The following GPHN variants were observed in gnomAD, a reference collection of about 807,000 sequenced individuals.
GPHN encodes gephyrin.
In GPHN, 17 loss-of-function variants were observed where a neutral mutation model predicts 95.5. The observed-to-expected ratio is 0.18, with a 90% CI of 0.12 to 0.27. The LOEUF is 0.27. GPHN is among the 10% of genes least tolerant of loss of function. The pLI is 1.00. For missense variants in GPHN, 660 were observed against 978.1 expected (o/e 0.67, Z 4.34); for synonymous variants, 320 against 322.5 (o/e 0.99, Z 0.08).
At chr14:67,692,192 C>G in the GPHN span, 1 of 451,184 alleles carries the variant, frequency 2.2e-6, no homozygotes, top group African/African-American at 2.1e-5. Flanking sequence ...TGCTGAGACT[C>G]CCATGAGATT....
chr14:66,953,745 G>A (rs1006039818), intron 8 of GPHN, among the ~76,000 whole-genome samples: 3 of 152,036 alleles, frequency 2.0e-5, no homozygotes, highest in Non-Finnish European at 4.4e-5. Flanking sequence ...TTAGAAAGCA[G>A]GAATTAGCCT....
chr14:66,978,348 A>G (rs1235959110), intron 9 of GPHN, among the ~76,000 whole-genome samples: 1 of 152,186 alleles, frequency 6.6e-6, no homozygotes, highest in Non-Finnish European at 1.5e-5. Context: ...CATTTTTTCT[A>G]CAGTGAAACT....
intron 1 of GPHN, among the ~76,000 whole-genome samples, chr14:66,674,201 C>T (rs1451945442): frequency 6.6e-6 from 1 of 151,746 alleles, no homozygotes; most frequent in Non-Finnish European, 1.5e-5. Context: ...CGGGTTCATG[C>T]CATTCTCCTG....
At chr14:67,317,512 T>C in the GPHN span, 2 of 1,482,444 alleles carry the variant, frequency 1.3e-6, no homozygotes, top group East Asian at 2.3e-5. Flanking sequence ...GGTGGAATTA[T>C]ATCTGAAAGG....
chr14:67,225,961 G>GTGTGTGTGTGTGTGTGTA, the GPHN span, among the ~76,000 whole-genome samples: 1 of 112,302 alleles, frequency 8.9e-6, no homozygotes, highest in Non-Finnish European at 1.6e-5. Flanking sequence ...GTGTGTGTGT[G>GTGTGTGTGTGTGTGTGTA]TGCGCGCGCG....
At chr14:66,818,651 G>A (rs1051843177) in intron 3 of GPHN, among the ~76,000 whole-genome samples, 2 of 152,038 alleles carry the variant, frequency 1.3e-5, no homozygotes, top group African/African-American at 2.4e-5. Context: ...TGGTATTTCT[G>A]TCTGTAGGTC....
chr14:67,085,539 GC>G (rs1399513728), intron 11 of GPHN, among the ~76,000 whole-genome samples: 5 of 152,058 alleles, frequency 3.3e-5, no homozygotes, highest in Non-Finnish European at 7.4e-5. Context: ...TAAATATAAA[GC>G]CCCTGTCTTA....
the GPHN span, among the ~76,000 whole-genome samples, chr14:67,234,562 T>G: frequency 6.6e-6 from 1 of 152,136 alleles, no homozygotes; most frequent in Non-Finnish European, 1.5e-5. Flanking sequence ...TTTGCTTGTT[T>G]GTTTTGAAAT....
At chr14:67,340,032 C>CAAAAAAAAAAAAAAAAAA in the GPHN span, 1 of 71,698 alleles carries the variant, frequency 1.4e-5, no homozygotes. Flanking sequence ...CTCTGTCTCA[C>CAAAAAAAAAAAAAAAAAA]AAAAAAAAAA....
the GPHN span, among the ~76,000 whole-genome samples, chr14:67,207,398 G>C: frequency 1.3e-5 from 2 of 152,054 alleles, no homozygotes; most frequent in African/African-American, 4.8e-5. Context: ...CATCAACTTA[G>C]AGTGAGAACT....
chr14:66,576,969 G>C (rs2060931045), intron 1 of GPHN, among the ~76,000 whole-genome samples: 2 of 152,066 alleles, frequency 1.3e-5, no homozygotes, highest in Non-Finnish European at 1.5e-5. Context: ...TTAAATCAAT[G>C]TCTGTGTCAT....
intron 9 of GPHN, among the ~76,000 whole-genome samples, chr14:66,978,237 G>C (rs182857732): frequency 1.3e-5 from 2 of 152,188 alleles, no homozygotes; most frequent in African/African-American, 4.8e-5. Flanking sequence ...CTGAAGGCTG[G>C]TGTGGCTGTG....
At chr14:67,246,733 T>G in the GPHN span, among the ~76,000 whole-genome samples, 3 of 142,638 alleles carry the variant, frequency 2.1e-5, no homozygotes, top group African/African-American at 5.1e-5. Flanking sequence ...TCACTGCAAC[T>G]TCCCGCCTCC....
intron 4 of GPHN, among the ~76,000 whole-genome samples, chr14:66,838,444 T>C (rs149464219): frequency 6.6e-6 from 1 of 152,166 alleles, no homozygotes; most frequent in African/African-American, 2.4e-5. Context: ...GAAAAAGAAA[T>C]ATCAAAGAAG....
rs1241918921 is a variant in GPHN at position 66,839,079 on chromosome 14, C to T, written c.294+14513C>T. Among the ~76,000 whole-genome samples, 3 of 152,226 alleles carry T rather than the reference C, an allele frequency of 2.0e-5. 1 individual carries two copies. In the South Asian group the frequency reaches 6.2e-4, roughly 32 times the overall value. ...ACAAATGTCCACTGGAGGTAGTAAC[C>T]ATTTTAGATATTTATTAATGGCACA... is the stretch of plus-strand genomic sequence containing the variant. On this transcript the variant is annotated intron_variant, in intron 4 of 22. Transcript: ENST00000478722.
chr14:66,635,153 A>T (rs903690117), intron 1 of GPHN, among the ~76,000 whole-genome samples: 1 of 152,138 alleles, frequency 6.6e-6, no homozygotes, highest in Admixed American at 6.5e-5. Context: ...GGGCTGTCTC[A>T]CTGCATGGGA....
At chr14:66,804,591 A>G (rs1050329837) in intron 3 of GPHN, among the ~76,000 whole-genome samples, 1 of 152,184 alleles carries the variant, frequency 6.6e-6, no homozygotes, top group Non-Finnish European at 1.5e-5. Context: ...ATTCTTCCTT[A>G]GCAGAGGTTG....
At chr14:67,231,301 A>G in the GPHN span, among the ~76,000 whole-genome samples, 1 of 152,200 alleles carries the variant, frequency 6.6e-6, no homozygotes, top group Non-Finnish European at 1.5e-5. Context: ...TAGTTTGAGG[A>G]AACTTTTTAA....
the GPHN span, chr14:67,294,439 TG>T: frequency 6.6e-6 from 1 of 152,056 alleles, no homozygotes; most frequent in Non-Finnish European, 1.5e-5. Flanking sequence ...CCAACTCCCC[TG>T]TTTCACATTC....
Sources: allele counts gnomAD v4.1 joint callset (sites outside exome capture counted in the v4.1 genomes callset), GRCh38; gene constraint gnomAD v4.1.1; transcripts MANE v1.5; gene names NCBI Gene and HGNC (gene_info 2026-07-23, HGNC 2026-07-21).